Variants in ANO4 observed in about 807,000 individuals in gnomAD.
The protein encoded by ANO4 is anoctamin 4.
In ANO4, 69 loss-of-function variants were observed where a neutral mutation model predicts 141.9. The ratio of observed to expected loss-of-function variants is 0.49; its 90% confidence interval spans 0.40 to 0.59. The LOEUF is 0.59. Among genes scored for constraint, ANO4 ranks in the 20% least tolerant of loss-of-function variants. The probability of loss-of-function intolerance (pLI) is 0.00; values close to 1 mark genes in which losing one functional copy is unlikely to be tolerated. For missense variants in ANO4, 894 were observed against 1,162.2 expected (o/e 0.77, Z 3.36); for synonymous variants, 350 against 394.3 (o/e 0.89, Z 1.33).
At chr12:100,729,478 G>A (rs944930806) in intron 1 of ANO4, among the ~76,000 whole-genome samples, 2 of 146,406 alleles carry the variant, frequency 1.4e-5, no homozygotes, top group Non-Finnish European at 3.0e-5. Flanking sequence ...CTCATATAAT[G>A]TTATAATATA....
chr12:101,002,699 C>T (rs1446507953), intron 8 of ANO4, among the ~76,000 whole-genome samples: 1 of 152,184 alleles, frequency 6.6e-6, no homozygotes, highest in Non-Finnish European at 1.5e-5. Context: ...CAGCATTAGA[C>T]TTCTGGGCCC....
At chr12:100,851,008 C>T in intron 1 of ANO4, among the ~76,000 whole-genome samples, 1 of 152,012 alleles carries the variant, frequency 6.6e-6, no homozygotes, top group East Asian at 1.9e-4. Context: ...ATTTTTAGCT[C>T]TTTTAAAATG....
chr12:101,036,958 T>C (rs903066899), intron 9 of ANO4, 137 bp from the exon 10 acceptor site: 2 of 702,234 alleles, frequency 2.8e-6, no homozygotes, highest in Non-Finnish European at 2.3e-6. Flanking sequence ...CAGAGCTTTT[T>C]TTCTAACTCT....
chr12:101,008,999 G>C (rs1052835933), intron 8 of ANO4, among the ~76,000 whole-genome samples: 1 of 151,762 alleles, frequency 6.6e-6, no homozygotes, highest in Non-Finnish European at 1.5e-5. Flanking sequence ...GCATTCTCTA[G>C]TGACTTCCTA....
At chr12:101,058,352 T>G (rs918722869) in intron 14 of ANO4, among the ~76,000 whole-genome samples, 2 of 152,208 alleles carry the variant, frequency 1.3e-5, no homozygotes, top group African/African-American at 4.8e-5. Flanking sequence ...TGGGCTCTTT[T>G]TTGGTTCCAT....
At chr12:100,982,574 G>T (rs565427019) in intron 7 of ANO4, among the ~76,000 whole-genome samples, 1 of 152,288 alleles carries the variant, frequency 6.6e-6, no homozygotes, top group South Asian at 2.1e-4. Flanking sequence ...CTTCGTCCTA[G>T]AAACTATCAC....
chr12:100,817,591 T>G (rs1555223839), intron 1 of ANO4, among the ~76,000 whole-genome samples: 1 of 151,860 alleles, frequency 6.6e-6, no homozygotes, highest in Non-Finnish European at 1.5e-5. Context: ...TAGCCACGAG[T>G]GACAGAAAGA....
rs1474897018 is a variant in ANO4, at chr12:100,987,563, T to A, written c.627T>A (p.Phe209Leu). The change falls in exon 8 of 28, where the codon TTT becomes TTA. Residue 209 changes from phenylalanine to leucine, a missense_variant. Physicochemically the swap from Phe to Leu is conservative, Grantham distance 22. This residue lies in a region of ANO4 where 257 missense variants were observed against 253.0 expected (regional missense o/e 1.02). Coordinates refer to ENST00000392977, the MANE Select transcript of ANO4 (RefSeq NM_001286615.2). ...GGATCGATAAACAAATAAGCAGGTT[T>A]CGGAGATGGTTACCTAAGAAGCCAA... ...MSRIDKQISR[F>L]RRWLPKKPMR... The A allele has an allele frequency of 6.2e-7, 1 of 1,613,994 alleles. No homozygotes were observed. The highest frequency in any genetic ancestry group is 1.3e-5 in the African/African-American group (1 of 75,032).
intron 1 of ANO4, among the ~76,000 whole-genome samples, chr12:100,809,297 G>C (rs558100058): frequency 6.6e-6 from 1 of 151,134 alleles, no homozygotes; most frequent in Non-Finnish European, 1.5e-5. Flanking sequence ...TGAGGGAGGA[G>C]AATTGCTTGA....
intron 8 of ANO4, among the ~76,000 whole-genome samples, chr12:101,000,812 G>T (rs998030412): frequency 6.6e-6 from 1 of 152,148 alleles, no homozygotes. Flanking sequence ...CATACCTCTG[G>T]GTATCTGGAG....
At position 101,079,256 on chromosome 12, in the gene ANO4, T is replaced by A; in HGVS notation, c.1376T>A (p.Ile459Lys). The A allele has an allele frequency of 6.2e-7, 1 of 1,613,928 alleles. No individual in the cohort carries two copies. Among genetic ancestry groups the A allele is most frequent in the Non-Finnish European group, 8.5e-7 (1 of 1,179,856 alleles). Reference protein sequence around the residue: ...RAVIAYDWDLIDWEEEEEEIR... With the variant: ...RAVIAYDWDLKDWEEEEEEIR... ...GTAATTGCTTATGACTGGGATTTGA[T>A]AGACTGGGAAGAAGAGGAGGTTTGT... is the stretch of plus-strand genomic sequence containing the variant. The change falls in exon 15 of 28, where the codon ATA becomes AAA. Residue 459 changes from isoleucine to lysine, a missense_variant. Coordinates refer to ENST00000392977, the MANE Select transcript of ANO4 (RefSeq NM_001286615.2).
At chr12:101,052,943 G>A (rs548866635) in intron 14 of ANO4, among the ~76,000 whole-genome samples, 1 of 152,296 alleles carries the variant, frequency 6.6e-6, no homozygotes, top group South Asian at 2.1e-4. Context: ...AAGGTGTGGA[G>A]CCTAAACTTT....
chr12:100,780,804 A>C (rs1197246138), intron 3 of ANO4, among the ~76,000 whole-genome samples: 1 of 152,220 alleles, frequency 6.6e-6, no homozygotes. Context: ...TTGGCCTCCC[A>C]AAACGCTGGG....
intron 15 of ANO4, among the ~76,000 whole-genome samples, chr12:101,080,883 T>TATATATATATATATATACATTATA (rs1491584060): frequency 2.7e-5 from 2 of 74,072 alleles, no homozygotes; most frequent in African/African-American, 7.8e-5. Context: ...TATATATATA[T>TATATATATATATATATACATTATA]TATATATATA....
chr12:100,801,184 T>G (rs2034667033), intron 1 of ANO4, among the ~76,000 whole-genome samples: 1 of 152,234 alleles, frequency 6.6e-6, no homozygotes, highest in Admixed American at 6.5e-5. Flanking sequence ...CAAATCTTGG[T>G]TTAGTGACTG....
At chr12:100,926,430 T>C (rs2041873114) in intron 3 of ANO4, among the ~76,000 whole-genome samples, 1 of 152,120 alleles carries the variant, frequency 6.6e-6, no homozygotes, top group African/African-American at 2.4e-5. Context: ...ATGTGTCAGG[T>C]ACTGTGCTAG....
At chr12:101,000,696 C>T (rs2045598389) in intron 8 of ANO4, among the ~76,000 whole-genome samples, 1 of 152,150 alleles carries the variant, frequency 6.6e-6, no homozygotes. Context: ...AAAAAAGCCA[C>T]GCATCTTGAG....
chr12:100,997,481 T>C (rs1461287173), intron 8 of ANO4, among the ~76,000 whole-genome samples: 1 of 151,898 alleles, frequency 6.6e-6, no homozygotes, highest in African/African-American at 2.4e-5. Context: ...CTTTGGAATT[T>C]ATTGTTAAAG....
intron 1 of ANO4, among the ~76,000 whole-genome samples, chr12:100,832,357 G>T (rs2080445055): frequency 6.6e-6 from 1 of 151,974 alleles, no homozygotes; most frequent in Non-Finnish European, 1.5e-5. Flanking sequence ...CTAAAGGATG[G>T]GTATTGGCAG....
Sources: allele counts gnomAD v4.1 joint callset (sites outside exome capture counted in the v4.1 genomes callset), GRCh38; gene constraint gnomAD v4.1.1; regional missense constraint gnomAD v4.1.1; transcripts MANE v1.5; gene names NCBI Gene and HGNC (gene_info 2026-07-23, HGNC 2026-07-21).